PTPRF: variants seen among roughly 807,000 people sequenced by gnomAD.
The protein encoded by PTPRF is receptor-type tyrosine-protein phosphatase F.
A neutral mutation model predicts 201.8 loss-of-function variants in PTPRF; 59 were observed. That is an observed-to-expected ratio of 0.29 (90% CI 0.24 to 0.36). The LOEUF (loss-of-function observed/expected upper bound fraction) is 0.36, where lower values mean the gene tolerates loss of function less well. Among genes scored for constraint, PTPRF ranks in the 10% least tolerant of loss-of-function variants. PTPRF has a pLI of 1.00. For synonymous variants in PTPRF, 1,088 were observed against 1,089.7 expected, an observed-to-expected ratio of 1.00 and a Z score of 0.03; for missense variants, 2,132 against 2,690.5, an observed-to-expected ratio of 0.79 and a Z score of 4.59.
intron 5 of PTPRF, among the ~76,000 whole-genome samples, chr1:43,567,422 G>A (rs944270602): frequency 2.0e-5 from 3 of 151,684 alleles, no homozygotes; most frequent in African/African-American, 7.3e-5. Context: ...TACAGCCAAG[G>A]AGACACTGGG....
chr1:43,620,599 G>GTGTCCATAACGCTGCC lies in PTPRF; in HGVS notation c.5364+27_5364+42dup, dbSNP rs770603871. ...GCCCGGGTGAGTGAGTGCATTGAGT[G>GTGTCCATAACGCTGCC]TGTCCATAACGCTGCCTGTCCACAC... On this transcript the variant is annotated intron_variant, in intron 31 of 33. Coordinates refer to ENST00000359947, the MANE Select transcript of PTPRF (RefSeq NM_002840.5). 6.2e-7 allele frequency: 1 copy of GTGTCCATAACGCTGCC among 1,611,658 alleles called. No homozygotes were observed. The highest frequency in any genetic ancestry group is 1.1e-5 in the South Asian group (1 of 90,570).
intron 3 of PTPRF, among the ~76,000 whole-genome samples, chr1:43,550,391 C>A (rs1297108852): frequency 6.6e-6 from 1 of 152,180 alleles, no homozygotes; most frequent in Non-Finnish European, 1.5e-5. Context: ...CCGGCCATTC[C>A]GGTTCAGCCG....
At chr1:43,591,987 G>A in intron 10 of PTPRF, 39 bp downstream of exon 10, 1 of 1,609,166 alleles carries the variant, frequency 6.2e-7, no homozygotes, top group East Asian at 2.2e-5. Flanking sequence ...GGGTCTCCTG[G>A]TCCCTGAGGG....
chr1:43,596,217 T>G (rs1570463645), intron 11 of PTPRF, among the ~76,000 whole-genome samples: 2 of 151,492 alleles, frequency 1.3e-5, no homozygotes, highest in South Asian at 2.1e-4. Flanking sequence ...GGGCCTGGAG[T>G]GACTGAGCAA....
intron 24 of PTPRF, 77 bp from the exon 25 acceptor site, chr1:43,617,659 C>G (rs542280280): frequency 2.5e-4 from 404 of 1,601,174 alleles, no homozygotes; most frequent in Admixed American, 4.0e-4. Context: ...CCACGAGTCT[C>G]AGGGGTGCAC....
At position 43,619,276 on chromosome 1, in the gene PTPRF, C is replaced by T. The variant is rs773710437; in HGVS notation, c.4647-12C>T. ...GGGCGCCTGTGCCTCAAGCTGAGCC[C>T]GTGTCCTGCAGCGCGGGCGTGGGCC... is the stretch of plus-strand genomic sequence containing the variant. On this transcript the variant is annotated splice_polypyrimidine_tract_variant and intron_variant, in intron 27 of 33. Transcript: ENST00000359947. The T allele has an allele frequency of 1.9e-5, 31 of 1,612,206 alleles. No homozygotes were observed. Among genetic ancestry groups the T allele is most frequent in the East Asian group, 6.7e-5 (3 of 44,866 alleles).
chr1:43,560,874 C>G (rs1645759883), intron 5 of PTPRF, among the ~76,000 whole-genome samples: 1 of 152,170 alleles, frequency 6.6e-6, no homozygotes. Flanking sequence ...TCTGTCTGTT[C>G]CCACCTGGCC....
chr1:43,547,991 T>C (rs1644789944), intron 3 of PTPRF, among the ~76,000 whole-genome samples: 1 of 152,084 alleles, frequency 6.6e-6, no homozygotes, highest in Non-Finnish European at 1.5e-5. Context: ...CACAGGCTTG[T>C]GAGCAGTGAC....
chr1:43,572,602 G>A (rs1205053581), intron 6 of PTPRF, among the ~76,000 whole-genome samples: 5 of 152,194 alleles, frequency 3.3e-5, no homozygotes, highest in East Asian at 1.9e-4. Flanking sequence ...AGGCTATTCC[G>A]TGCACATTTT....
At chr1:43,594,149 C>T (rs1651615043) in intron 11 of PTPRF, among the ~76,000 whole-genome samples, 1 of 152,098 alleles carries the variant, frequency 6.6e-6, no homozygotes. Flanking sequence ...ACAGCAGGTG[C>T]TTCTGGAATG....
At chr1:43,575,784 A>C in intron 6 of PTPRF, 24 of 772,610 alleles carry the variant, frequency 3.1e-5, no homozygotes, top group East Asian at 6.5e-5. Flanking sequence ...CTCAGGCCTC[A>C]ATTTCTCCAT....
intron 1 of PTPRF, among the ~76,000 whole-genome samples, chr1:43,536,063 C>G (rs569225307): frequency 4.7e-4 from 72 of 152,298 alleles, no homozygotes; most frequent in African/African-American, 1.7e-3. Flanking sequence ...GCCACTGTGA[C>G]TGGCCAGCAG....
At position 43,622,940 on chromosome 1, in the gene PTPRF, C is replaced by T. The variant is rs2154042907; in HGVS notation, c.*937C>T. ...GCCCTTGGCTTCTGCTTCAAACCCT[C>T]AAGAGGGGAAGCAACTCCGTGTGCC... On this transcript the variant is annotated 3_prime_UTR_variant, in exon 34 of 34. Transcript: ENST00000359947. 1 of 152,484 alleles carries T rather than the reference C, an allele frequency of 6.6e-6. No individual in the cohort carries two copies. The highest frequency in any genetic ancestry group is 1.9e-4 in the East Asian group (1 of 5,184). 9.4% of individuals were successfully genotyped at this position (152,484 alleles called of 1,614,324 possible).
intron 7 of PTPRF, chr1:43,583,100 C>G (rs2154002526): frequency 1.0e-6 from 1 of 985,622 alleles, no homozygotes; most frequent in African/African-American, 1.7e-5. Context: ...GAAGGTTGGT[C>G]CTTTTCACTT....
chr1:43,567,164 C>G (rs1349530654), intron 5 of PTPRF, among the ~76,000 whole-genome samples: 1 of 152,112 alleles, frequency 6.6e-6, no homozygotes. Flanking sequence ...AAGAGTTAGA[C>G]TGGTGCTCTG....
At chr1:43,534,021 C>G (rs192609056) in intron 1 of PTPRF, among the ~76,000 whole-genome samples, 1 of 151,962 alleles carries the variant, frequency 6.6e-6, no homozygotes, top group Non-Finnish European at 1.5e-5. Flanking sequence ...CATCAAGAGA[C>G]GGGGGAGAGT....
intron 23 of PTPRF, among the ~76,000 whole-genome samples, chr1:43,615,575 T>TC (rs1657609884): frequency 7.8e-6 from 1 of 127,614 alleles, no homozygotes; most frequent in South Asian, 2.6e-4. Flanking sequence ...TTTTTTTTTT[T>TC]TTTTTTCTTT....
At chr1:43,593,213 G>T (rs917020027) in intron 11 of PTPRF, among the ~76,000 whole-genome samples, 1 of 152,240 alleles carries the variant, frequency 6.6e-6, no homozygotes, top group African/African-American at 2.4e-5. Context: ...CTCTGGTGTT[G>T]TGTGTGAGAG....
rs199963215 is a variant in PTPRF at position 43,612,789 on chromosome 1, C to T, written c.3974-829C>T. On this transcript the variant is annotated intron_variant, in intron 22 of 33. Transcript: ENST00000359947. ...GCAGGTTCCAGTGTCCCCAGTTGCC[C>T]GAATACCTCAAGTTAGTTTTCAAAG... 2,302 of 1,365,824 alleles carry T rather than the reference C, an allele frequency of 1.7e-3. 4 individuals are homozygous for T. Among genetic ancestry groups the T allele is most frequent in the Non-Finnish European group, 1.9e-3 (1,957 of 1,021,500 alleles). The allele number at this position is 1,365,824 out of a possible 1,614,324, so 84.6% of individuals were successfully genotyped here. A position where few individuals can be genotyped will look rare whatever the true frequency, so the allele number is the denominator to read the frequency against.
Sources: gnomAD v4.1 joint callset for allele counts (sites outside exome capture counted in the v4.1 genomes callset) on GRCh38, gnomAD v4.1.1 for gene constraint, MANE v1.5 for transcripts, NCBI Gene and HGNC (gene_info 2026-07-23, HGNC 2026-07-21) for gene names.